The following DUSP22 variants were observed in gnomAD, a reference collection of about 807,000 sequenced individuals.
DUSP22 encodes the protein dual specificity protein phosphatase 22.
DUSP22 carries 24 observed loss-of-function variants against 24.5 expected under a neutral mutation model. The observed-to-expected ratio is 0.98, with a 90% CI of 0.71 to 1.38. The LOEUF (loss-of-function observed/expected upper bound fraction) is 1.38. DUSP22 is among the 40% of genes most tolerant of loss of function. The probability of loss-of-function intolerance (pLI) is 0.00; values close to 1 mark genes in which losing one functional copy is unlikely to be tolerated. For synonymous variants in DUSP22, 160 were observed against 106.4 expected (o/e 1.50, Z -3.10); for missense variants, 330 against 269.2 (o/e 1.23, Z -1.58).
At chr6:311,845 A>T in intron 2 of DUSP22, 35 bp from the exon 3 acceptor site, 1 of 1,596,486 alleles carries the variant, frequency 6.3e-7, no homozygotes, top group Non-Finnish European at 8.5e-7. Flanking sequence ...ACTTGCAAAG[A>T]TATCAAAATG....
intron 3 of DUSP22, among the ~76,000 whole-genome samples, chr6:318,265 C>G (rs570391618): frequency 2.1e-4 from 32 of 152,422 alleles, no homozygotes; most frequent in Non-Finnish European, 4.0e-4. Context: ...CAGACAGTGA[C>G]AGTCAATTAA....
chr6:331,020 T>G (rs1759118609), intron 3 of DUSP22, among the ~76,000 whole-genome samples: 1 of 152,308 alleles, frequency 6.6e-6, no homozygotes, highest in Non-Finnish European at 1.5e-5. Context: ...CTTCGTCATG[T>G]TACGCCACTT....
intron 3 of DUSP22, among the ~76,000 whole-genome samples, chr6:334,467 T>A (rs1346564833): frequency 6.6e-6 from 1 of 152,302 alleles, no homozygotes; most frequent in Non-Finnish European, 1.5e-5. Context: ...TAAACCTTTT[T>A]CTGAGTTTTA....
intron 2 of DUSP22, among the ~76,000 whole-genome samples, chr6:306,530 A>G (rs1372827870): frequency 2.0e-5 from 3 of 152,300 alleles, no homozygotes; most frequent in Non-Finnish European, 2.9e-5. Flanking sequence ...TCATAGGGTT[A>G]ATGCTGCATT....
intron 3 of DUSP22, among the ~76,000 whole-genome samples, chr6:326,407 G>A (rs1415634784): frequency 1.3e-5 from 2 of 149,724 alleles, no homozygotes; most frequent in African/African-American, 5.0e-5. Context: ...CCGCGTCCTG[G>A]TGTGTGCAGT....
chr6:336,834 G>T (rs1759380777), intron 4 of DUSP22, among the ~76,000 whole-genome samples: 1 of 152,310 alleles, frequency 6.6e-6, no homozygotes, highest in South Asian at 2.1e-4. Flanking sequence ...AACAGAAGTG[G>T]TTGGAAGGCA....
intron 1 of DUSP22, among the ~76,000 whole-genome samples, chr6:293,764 A>T (rs1226221409): frequency 1.3e-5 from 2 of 148,930 alleles, no homozygotes; most frequent in Non-Finnish European, 3.0e-5. Context: ...GCATATCAAT[A>T]CTGGGGTATT....
intron 2 of DUSP22, among the ~76,000 whole-genome samples, chr6:308,049 G>A (rs959809039): frequency 1.3e-5 from 2 of 152,010 alleles, no homozygotes; most frequent in African/African-American, 2.4e-5. Flanking sequence ...GGAGGGGCCC[G>A]CTGGCACCGG....
chr6:347,219 G>A (rs1308530277), intron 5 of DUSP22, among the ~76,000 whole-genome samples: 1 of 152,306 alleles, frequency 6.6e-6, no homozygotes, highest in East Asian at 1.9e-4. Flanking sequence ...ATCTCTCCTG[G>A]TAGTTCTAAT....
chr6:349,024 G>A lies in DUSP22; in HGVS notation c.*73G>A, dbSNP rs1231418949. 1.2e-5 allele frequency: 18 copies of A among 1,532,366 alleles called. No homozygotes were observed. Among genetic ancestry groups the A allele is most frequent in the South Asian group, 3.7e-5 (3 of 81,130 alleles). The allele number at this position is 1,532,366 out of a possible 1,614,324, so 94.9% of individuals were successfully genotyped here. A position where few individuals can be genotyped will look rare whatever the true frequency, so the allele number is the denominator to read the frequency against. On this transcript the variant is annotated 3_prime_UTR_variant, in exon 7 of 7. Transcript: ENST00000419235. The stretch of plus-strand genomic sequence containing the variant: ...CCGGCTGGGCAGGGGTGCGGTGGTG[G>A]TGGCCGATGAGGACAGGAAAGGGAG...
At chr6:327,620 C>T (rs1210132174) in intron 3 of DUSP22, among the ~76,000 whole-genome samples, 1 of 152,300 alleles carries the variant, frequency 6.6e-6, no homozygotes, top group Admixed American at 6.5e-5. Flanking sequence ...GTCCTCTGTG[C>T]CAGGGCCATG....
chr6:329,448 C>T (rs974868232), intron 3 of DUSP22, among the ~76,000 whole-genome samples: 12 of 152,422 alleles, frequency 7.9e-5, no homozygotes, highest in African/African-American at 1.4e-4. Flanking sequence ...TAAATGGTTA[C>T]GATGGTAAAT....
chr6:292,903 C>T (rs1035482826), intron 1 of DUSP22, among the ~76,000 whole-genome samples: 1 of 152,284 alleles, frequency 6.6e-6, no homozygotes, highest in Admixed American at 6.5e-5. Flanking sequence ...TTTTTGCCCT[C>T]CTCTTCGCTC....
At chr6:328,309 T>A (rs1408676303) in intron 3 of DUSP22, among the ~76,000 whole-genome samples, 1 of 152,304 alleles carries the variant, frequency 6.6e-6, no homozygotes, top group Non-Finnish European at 1.5e-5. Context: ...GAGACGGAGC[T>A]AGAGTGAATC....
rs957501696 is a variant in DUSP22 at position 292,517 on chromosome 6, G to T, written c.-23G>T. ...GCGCCTGCGACCACACGGCCGGGGC[G>T]CTAGCGTTCGCCTTCAGCCACCATG... On this transcript the variant is annotated 5_prime_UTR_variant, in exon 1 of 7. Coordinates refer to ENST00000419235, the MANE Select transcript of DUSP22 (RefSeq NM_001286555.3). The T allele has an allele frequency of 2.5e-5, 40 of 1,604,560 alleles. No homozygotes were observed. The highest frequency in any genetic ancestry group is 3.2e-5 in the Non-Finnish European group (38 of 1,175,734).
intron 1 of DUSP22, 47 bp from the exon 2 acceptor site, chr6:304,581 C>A: frequency 6.2e-7 from 1 of 1,613,954 alleles, no homozygotes; most frequent in Non-Finnish European, 8.5e-7. Flanking sequence ...GCAATACCAT[C>A]CACTTAGAGT....
intron 3 of DUSP22, among the ~76,000 whole-genome samples, chr6:318,159 G>T (rs904889926): frequency 6.6e-6 from 1 of 152,312 alleles, no homozygotes; most frequent in African/African-American, 2.4e-5. Flanking sequence ...GTAATCCCCT[G>T]TGCAGCTCCT....
chr6:313,185 T>G (rs1421475828), intron 3 of DUSP22, among the ~76,000 whole-genome samples: 2 of 152,308 alleles, frequency 1.3e-5, no homozygotes, highest in African/African-American at 4.8e-5. Context: ...TGACTTCCTC[T>G]TAAATCACAA....
intron 2 of DUSP22, among the ~76,000 whole-genome samples, chr6:305,597 A>G (rs924917773): frequency 6.6e-6 from 1 of 152,282 alleles, no homozygotes; most frequent in Non-Finnish European, 1.5e-5. Flanking sequence ...TATTGACTCT[A>G]TTTTCACTCA....
Sources: gnomAD v4.1 joint callset for allele counts (sites outside exome capture counted in the v4.1 genomes callset) on GRCh38, gnomAD v4.1.1 for gene constraint, MANE v1.5 for transcripts, NCBI Gene and HGNC (gene_info 2026-07-23, HGNC 2026-07-21) for gene names.